The following ARID4B variants were observed in gnomAD, a reference collection of about 807,000 sequenced individuals.
ARID4B encodes AT-rich interaction domain 4B.
A neutral mutation model predicts 147.5 loss-of-function variants in ARID4B; 26 were observed. That is an observed-to-expected ratio of 0.18 (90% CI 0.13 to 0.24). ARID4B has a LOEUF of 0.24. Among genes scored for constraint, ARID4B ranks in the 10% least tolerant of loss-of-function variants. The pLI, the probability that ARID4B is intolerant of heterozygous loss-of-function variation, is 1.00. For synonymous variants in ARID4B, 512 were observed against 507.9 expected (o/e 1.01, Z -0.11); for missense variants, 1,179 against 1,511.5 (o/e 0.78, Z 3.65).
intron 2 of ARID4B, among the ~76,000 whole-genome samples, chr1:235,296,732 T>C (rs1401786634): frequency 7.0e-6 from 1 of 142,108 alleles, no homozygotes; most frequent in African/African-American, 2.6e-5. Flanking sequence ...AGTGCTTAGG[T>C]TACAGGAGTG....
chr1:235,320,008 T>C (rs1183190831), intron 2 of ARID4B, among the ~76,000 whole-genome samples: 1 of 151,926 alleles, frequency 6.6e-6, no homozygotes, highest in African/African-American at 2.4e-5. Context: ...ATGCCTGTAG[T>C]CCCAGCTACT....
At chr1:235,326,353 A>C (rs1290268105) in intron 2 of ARID4B, among the ~76,000 whole-genome samples, 3 of 152,232 alleles carry the variant, frequency 2.0e-5, no homozygotes, top group Non-Finnish European at 4.4e-5. Flanking sequence ...TTATTTACAG[A>C]CCAACCAGAT....
At chr1:235,238,143 C>CAAAAA (rs533707841) in intron 8 of ARID4B, among the ~76,000 whole-genome samples, 52 of 80,674 alleles carry the variant, frequency 6.4e-4, no homozygotes, top group Admixed American at 1.5e-3. Context: ...AACTCCATCT[C>CAAAAA]AAAAAAAAAA....
chr1:235,202,010 T>C (rs1419568496), intron 17 of ARID4B, among the ~76,000 whole-genome samples: 4 of 150,622 alleles, frequency 2.7e-5, no homozygotes, highest in Non-Finnish European at 4.4e-5. Flanking sequence ...TATGTGTATA[T>C]AATATATACA....
intron 19 of ARID4B, among the ~76,000 whole-genome samples, chr1:235,183,329 C>A (rs991256781): frequency 2.0e-5 from 3 of 151,994 alleles, no homozygotes; most frequent in African/African-American, 7.2e-5. Context: ...CTGCCTCAGC[C>A]TCCTGAGCAG....
chr1:235,240,503 C>A, intron 7 of ARID4B, 52 bp from the exon 8 acceptor site: 1 of 1,543,320 alleles, frequency 6.5e-7, no homozygotes, highest in Non-Finnish European at 8.9e-7. Flanking sequence ...AAAGAATAAG[C>A]ATGCCAATGA....
chr1:235,189,297 G>A (rs1404568698), intron 19 of ARID4B, among the ~76,000 whole-genome samples: 1 of 150,168 alleles, frequency 6.7e-6, no homozygotes, highest in African/African-American at 2.4e-5. Flanking sequence ...CTACTCGGGA[G>A]GCTGAGGCAG....
At chr1:235,187,416 G>C (rs1436955423) in intron 19 of ARID4B, among the ~76,000 whole-genome samples, 2 of 152,170 alleles carry the variant, frequency 1.3e-5, no homozygotes, top group African/African-American at 2.4e-5. Context: ...TAGGTTCTCT[G>C]AGATTAACAA....
chr1:235,206,623 A>G (rs1017110912), intron 17 of ARID4B, among the ~76,000 whole-genome samples: 4 of 152,206 alleles, frequency 2.6e-5, no homozygotes, highest in Admixed American at 1.3e-4. Context: ...AAATGGTTGT[A>G]GCTGGAGCAG....
intron 2 of ARID4B, among the ~76,000 whole-genome samples, chr1:235,282,775 T>TTTTA (rs768251794): frequency 3.4e-4 from 51 of 152,162 alleles, no homozygotes; most frequent in East Asian, 9.7e-4. Flanking sequence ...TACTATTTAA[T>TTTTA]TTTATTTATT....
intron 23 of ARID4B, among the ~76,000 whole-genome samples, chr1:235,169,349 T>C (rs1221738771): frequency 6.6e-6 from 1 of 151,716 alleles, no homozygotes; most frequent in African/African-American, 2.4e-5. Context: ...CACGCCATTC[T>C]CCTGCCTCAG....
chr1:235,283,144 C>G (rs1572150242), intron 2 of ARID4B, among the ~76,000 whole-genome samples: 1 of 152,078 alleles, frequency 6.6e-6, no homozygotes, highest in Non-Finnish European at 1.5e-5. Context: ...ATTTTCATCA[C>G]AAAAACAATT....
At chr1:235,185,796 T>TA (rs1664632746) in intron 19 of ARID4B, among the ~76,000 whole-genome samples, 2 of 152,248 alleles carry the variant, frequency 1.3e-5, no homozygotes. Flanking sequence ...TAAGGGGTTA[T>TA]AAGCCATAAC....
chr1:235,207,700 T>C (rs1666405230), intron 17 of ARID4B, among the ~76,000 whole-genome samples: 1 of 152,158 alleles, frequency 6.6e-6, no homozygotes, highest in African/African-American at 2.4e-5. Flanking sequence ...GTATTCAACT[T>C]ATGTTTGGAA....
intron 22 of ARID4B, among the ~76,000 whole-genome samples, chr1:235,173,992 C>CT (rs1663661573): frequency 6.6e-6 from 1 of 150,756 alleles, no homozygotes; most frequent in African/African-American, 2.4e-5. Context: ...TTCCTCACCC[C>CT]TAACACCAGA....
At chr1:235,199,723 GC>G (rs1352280887) in intron 17 of ARID4B, among the ~76,000 whole-genome samples, 2 of 152,184 alleles carry the variant, frequency 1.3e-5, no homozygotes, top group African/African-American at 4.8e-5. Flanking sequence ...GGTTGGGGAA[GC>G]TTTTTCGAAT....
rs569273525 is a variant in ARID4B, at chr1:235,256,003, G to A, written c.184-253C>T. On this transcript the variant is annotated intron_variant, in intron 4 of 23. Coordinates refer to ENST00000264183, the MANE Select transcript of ARID4B (RefSeq NM_016374.6). ...AGCCTGGCCAACATGGTGAAACCCCGTCTCTACCAAAAGTACAAAAATTGG... is the reference window on the plus strand; with the variant it reads ...AGCCTGGCCAACATGGTGAAACCCCATCTCTACCAAAAGTACAAAAATTGG... Among the ~76,000 whole-genome samples, 1,130 of 151,788 alleles carry A rather than the reference G, an allele frequency of 7.4e-3. 9 individuals are homozygous for A. Among genetic ancestry groups the A allele is most frequent in the Non-Finnish European group, 0.011 (760 of 67,918 alleles).
intron 19 of ARID4B, 95 bp from the exon 20 acceptor site, chr1:235,182,888 A>G: frequency 8.0e-7 from 1 of 1,257,430 alleles, no homozygotes; most frequent in Non-Finnish European, 1.1e-6. Flanking sequence ...TCCTGTGTAT[A>G]CAGCCACCCG....
At chr1:235,293,682 G>A (rs1672488917) in intron 2 of ARID4B, among the ~76,000 whole-genome samples, 1 of 151,902 alleles carries the variant, frequency 6.6e-6, no homozygotes, top group East Asian at 1.9e-4. Context: ...AGAGAAGGTG[G>A]AAAGATGAAA....
Sources: allele counts gnomAD v4.1 joint callset (sites outside exome capture counted in the v4.1 genomes callset), GRCh38; gene constraint gnomAD v4.1.1; transcripts MANE v1.5; gene names NCBI Gene and HGNC (gene_info 2026-07-23, HGNC 2026-07-21).